The following FCGR3A variants were observed in gnomAD, a reference collection of about 807,000 sequenced individuals.
FCGR3A encodes low affinity immunoglobulin gamma Fc region receptor III-A.
FCGR3A carries 13 observed loss-of-function variants against 24.1 expected under a neutral mutation model. The observed-to-expected ratio is 0.54, with a 90% CI of 0.35 to 0.86. The LOEUF (loss-of-function observed/expected upper bound fraction) is 0.86, where lower values mean the gene tolerates loss of function less well. Among genes scored for constraint, FCGR3A ranks in the 40% least tolerant of loss-of-function variants. The pLI, the probability that FCGR3A is intolerant of heterozygous loss-of-function variation, is 0.01. For synonymous variants in FCGR3A, 93 were observed against 112.2 expected (o/e 0.83, Z 1.08); for missense variants, 235 against 298.0 (o/e 0.79, Z 1.56).
rs550552328 is a variant in FCGR3A, at chr1:161,549,512, T to C, written c.40+185A>G. Among the ~76,000 whole-genome samples the C allele has an allele frequency of 8.5e-5, 13 of 152,118 alleles. 2 individuals are homozygous for C. The highest frequency in any genetic ancestry group is 2.9e-4 in the African/African-American group (12 of 41,504). On this transcript the variant is annotated intron_variant, in intron 1 of 4. Transcript: ENST00000443193. ...GGCCTCACTCATGAGTATGCCCCAA[T>C]TGGAACCAGCATTCTCCTCATTTCT...
At chr1:161,543,664 C>T (rs538859504) in intron 4 of FCGR3A, among the ~76,000 whole-genome samples, 19 of 152,224 alleles carry the variant, frequency 1.2e-4, no homozygotes, top group African/African-American at 4.6e-4. Context: ...TTACATGTTA[C>T]CCCATTTGCT....
At chr1:161,544,666 C>T (rs144672514) in intron 4 of FCGR3A, 35 bp downstream of exon 4, 18,204 of 1,602,138 alleles carry the variant, frequency 0.011, 240 homozygotes, top group Non-Finnish European at 0.013. Flanking sequence ...CACACACAGG[C>T]GTCCCTGGGC....
chr1:161,549,940 G>C, upstream of FCGR3A: 1 of 1,448,558 alleles, frequency 6.9e-7, no homozygotes, highest in Admixed American at 2.2e-5. Context: ...GGACCAGGAA[G>C]GAAAGAGCCT....
chr1:161,549,333 C>T (rs1053942101), intron 1 of FCGR3A, among the ~76,000 whole-genome samples: 3 of 151,908 alleles, frequency 2.0e-5, no homozygotes, highest in African/African-American at 7.3e-5. Context: ...CAGAAAGAGC[C>T]TCAACCCATA....
At position 161,548,625 on chromosome 1, in the gene FCGR3A, C is replaced by A. The variant is rs565792189; in HGVS notation, c.115G>T (p.Glu39Ter). 1.2e-6 allele frequency: 2 copies of A among 1,613,936 alleles called. No individual in the cohort carries two copies. The highest frequency in any genetic ancestry group is 1.7e-5 in the Admixed American group (1 of 60,014). Reference sequence around the variant, plus strand: ...CACTTCAGAGTCACACTGTCCTTCTCGAGCACCCTGTACCATTGAGGCTCC... The same window carrying A: ...CACTTCAGAGTCACACTGTCCTTCTAGAGCACCCTGTACCATTGAGGCTCC... ...FLEPQWYRVL[E>*]KDSVTLKCQG... The change falls in exon 3 of 5, where the codon GAG becomes TAG. Residue 39 changes from glutamate (E) to a stop codon, truncating the protein, a stop_gained. Transcript: ENST00000443193. LOFTEE classifies it high-confidence loss of function.
At chr1:161,543,817 C>T (rs1431302069) in intron 4 of FCGR3A, among the ~76,000 whole-genome samples, 4 of 152,232 alleles carry the variant, frequency 2.6e-5, no homozygotes, top group Non-Finnish European at 4.4e-5. Flanking sequence ...AAATTGTTTA[C>T]AATTTATGTC....
chr1:161,547,398 C>G (rs1252096052), intron 3 of FCGR3A, among the ~76,000 whole-genome samples: 1 of 152,078 alleles, frequency 6.6e-6, no homozygotes, highest in African/African-American at 2.4e-5. Context: ...AATGGAACAG[C>G]CGTGGAAGTA....
Position 161,542,011 on chromosome 1 carries a change from T to A in FCGR3A, c.*1001A>T, listed in dbSNP as rs1677135857. ...GCTCAGTAGTACATTTAGTATTGGT[T>A]ATACAACATTTGTTTAATAAATGCA... On this transcript the variant is annotated 3_prime_UTR_variant, in exon 5 of 5. Coordinates refer to ENST00000443193, the MANE Select transcript of FCGR3A (RefSeq NM_000569.8). The A allele has an allele frequency of 6.6e-6, 1 of 152,248 alleles. No individual in the cohort carries two copies. The highest frequency in any genetic ancestry group is 2.4e-5 in the African/African-American group (1 of 41,400). 9.4% of individuals were successfully genotyped at this position (152,248 alleles called of 1,614,324 possible).
intron 3 of FCGR3A, chr1:161,545,723 CCA>C (rs1470467019): frequency 1.3e-5 from 2 of 151,784 alleles, no homozygotes; most frequent in African/African-American, 4.8e-5. Context: ...GATCATGTCA[CCA>C]AGTAATCAGA....
At chr1:161,547,001 T>A (rs386340) in intron 3 of FCGR3A, among the ~76,000 whole-genome samples, 44 of 152,060 alleles carry the variant, frequency 2.9e-4, no homozygotes, top group Non-Finnish European at 4.4e-4. Context: ...TCCTAAAGGA[T>A]TAAAGGATGC....
intron 4 of FCGR3A, among the ~76,000 whole-genome samples, chr1:161,544,106 G>T (rs1677269605): frequency 6.6e-6 from 1 of 152,130 alleles, no homozygotes; most frequent in South Asian, 2.1e-4. Flanking sequence ...ATGTTGTGAA[G>T]GTCTACTGTG....
chr1:161,542,950 A>G lies in FCGR3A; in HGVS notation c.*62T>C, dbSNP rs1326144817. 1.4e-6 allele frequency: 2 copies of G among 1,382,024 alleles called. No homozygotes were observed. The highest frequency in any genetic ancestry group is 1.4e-5 in the African/African-American group (1 of 69,090). The allele number at this position is 1,382,024 out of a possible 1,614,324, so 85.6% of individuals were successfully genotyped here. On this transcript the variant is annotated 3_prime_UTR_variant, in exon 5 of 5. Transcript: ENST00000443193. ...GAGGCCTGAGGATGATGGGGTTGCA[A>G]ATCCAGAGAAATGTTCAGAGATGCT...
intron 2 of FCGR3A, 126 bp downstream of exon 2, chr1:161,548,885 G>A: frequency 9.0e-7 from 1 of 1,114,192 alleles, no homozygotes; most frequent in Non-Finnish European, 1.3e-6. Flanking sequence ...CTGCTGTGTT[G>A]GAGGAACTAT....
rs759974744 is a variant in FCGR3A, at chr1:161,549,697, C to G, written c.40G>C (p.Val14Leu). The change falls in exon 1 of 5, where the codon GTT becomes CTT. Residue 14 changes from valine to leucine, a missense_variant and splice_region_variant. Transcript: ENST00000443193. ...LLLPTALLLL[V>L]SAGMRTEDLP... is the part of the protein sequence containing the mutation. Reference sequence around the variant, plus strand: ...CTCAACCAGGGAGACCCTGACTTACCTAGAAGTAGCAGAGCAGTTGGGAGG... The same window carrying G: ...CTCAACCAGGGAGACCCTGACTTACGTAGAAGTAGCAGAGCAGTTGGGAGG... 14 of 1,613,596 alleles carry G rather than the reference C, an allele frequency of 8.7e-6. No homozygotes were observed. In the Admixed American group the frequency reaches 2.3e-4, roughly 27 times the overall value.
At chr1:161,549,594 G>A (rs529680206) in intron 1 of FCGR3A, 103 bp downstream of exon 1, 15 of 1,539,822 alleles carry the variant, frequency 9.7e-6, no homozygotes, top group Non-Finnish European at 1.3e-5. Flanking sequence ...GTGGTGAGGG[G>A]TCCCATCCCT....
intron 3 of FCGR3A, among the ~76,000 whole-genome samples, chr1:161,546,708 A>T (rs1411081487): frequency 3.9e-5 from 6 of 151,964 alleles, no homozygotes; most frequent in Non-Finnish European, 8.8e-5. Context: ...GATCAAGACC[A>T]TCCTGGCTAA....
intron 4 of FCGR3A, 71 bp from the exon 5 acceptor site, chr1:161,543,270 G>T: frequency 3.2e-6 from 5 of 1,544,782 alleles, no homozygotes; most frequent in Admixed American, 1.9e-5. Flanking sequence ...AAACAGTGAG[G>T]TCACCAGTAG....
chr1:161,550,022 C>T, upstream of FCGR3A: 1 of 679,306 alleles, frequency 1.5e-6, no homozygotes, highest in Non-Finnish European at 2.5e-6. Flanking sequence ...AGGACACACA[C>T]AGAATCTGCC....
chr1:161,547,945 C>A (rs1189985575), intron 3 of FCGR3A, among the ~76,000 whole-genome samples: 3 of 152,284 alleles, frequency 2.0e-5, no homozygotes, highest in Admixed American at 1.3e-4. Flanking sequence ...TGGCGGGTGC[C>A]TGTAATCTCA....
Sources: allele counts gnomAD v4.1 joint callset (sites outside exome capture counted in the v4.1 genomes callset), GRCh38; gene constraint gnomAD v4.1.1; transcripts MANE v1.5; gene names NCBI Gene and HGNC (gene_info 2026-07-23, HGNC 2026-07-21).